The following MEX3D variants were observed in gnomAD, a reference collection of about 807,000 sequenced individuals.
MEX3D encodes the protein RNA-binding protein MEX3D.
Under a neutral mutation model 6.3 loss-of-function variants are expected in MEX3D, and 4 were observed. The ratio of observed to expected loss-of-function variants is 0.64; its 90% CI spans 0.31 to 1.46. The LOEUF (loss-of-function observed/expected upper bound fraction) is 1.46. Among genes scored for constraint, MEX3D ranks in the 40% most tolerant of loss-of-function variants. MEX3D has a pLI of 0.07. For missense variants in MEX3D, 1,038 were observed against 994.4 expected (o/e 1.04, Z -0.59); for synonymous variants, 626 against 494.1 (o/e 1.27, Z -3.54).
chr19:1,555,821 G>A lies in MEX3D; in HGVS notation c.1698C>T (p.Ser566=), dbSNP rs375402502. The part of the protein sequence containing the change: ...AAFSTATSLP[S]SPAAAACAPL... The stretch of plus-strand genomic sequence containing the variant: ...GGGCGCAGGCGGCGGCCGCGGGGCT[G>A]CTGGGCAGCGAGGTGGCCGTGGAGA... Residue 566 remains serine, a synonymous_variant, in exon 2 of 2, where the codon AGC becomes AGT. Transcript: ENST00000402693. The A allele has an allele frequency of 1.1e-4, 149 of 1,365,158 alleles. 1 individual carries two copies. In the South Asian group the frequency reaches 2.4e-3, roughly 22 times the overall value. The allele number at this position is 1,365,158 out of a possible 1,614,324, so 84.6% of individuals were successfully genotyped here. A position where few individuals can be genotyped will look rare whatever the true frequency, so the allele number is the denominator to read the frequency against.
In MEX3D at chr19:1,567,169, C is replaced by T. The variant is rs1914863292; in HGVS notation, c.595+295G>A. The stretch of plus-strand genomic sequence containing the variant: ...CTCTCTGGGGTGCCCCTGCGGGCGG[C>T]CGAGGGCCTGGGCTGCGGCGCGGCT... On this transcript the variant is annotated intron_variant, in intron 1 of 1. Coordinates refer to ENST00000402693, the MANE Select transcript of MEX3D (RefSeq NM_203304.4). This position sits in a 1 kb window ranked among gnomAD's most constrained non-coding sequence, Gnocchi z 6.5. Among the ~76,000 whole-genome samples, 1 of 151,952 alleles carries T rather than the reference C, an allele frequency of 6.6e-6. No individual in the cohort carries two copies. Among genetic ancestry groups the T allele is most frequent in the African/African-American group, 2.4e-5 (1 of 41,424 alleles).
chr19:1,568,290 CGGCGGCGGCTCCTCGGCGGCCGA>C lies in MEX3D; in HGVS notation c.-255_-233del, dbSNP rs1442081624. Among the ~76,000 whole-genome samples the C allele has an allele frequency of 2.1e-5, 3 of 139,656 alleles. No homozygotes were observed. The highest frequency in any genetic ancestry group is 5.1e-5 in the African/African-American group (2 of 38,946). 91.6% of individuals were successfully genotyped at this position (139,656 alleles called of 152,430 possible). ...TGCGGCTCGGCGGCGGCGGCGACGG[CGGCGGCGGCTCCTCGGCGGCCGA>C]GGCGGCGGCGGCGGCGCGGGACGCT... On this transcript the variant is annotated 5_prime_UTR_variant, in exon 1 of 2. Coordinates refer to ENST00000402693, the MANE Select transcript of MEX3D (RefSeq NM_203304.4).
In MEX3D at chr19:1,556,018, C is replaced by G; in HGVS notation, c.1501G>C (p.Gly501Arg). ...CCGGCCCCACTGCTGCGCCGGGCGC[C>G]GGCGGCGGGAGGTCCCGGGGCTCCG... Reference protein sequence around the residue: ...VNGAPGPPAAGARRSSGAGTP... With the variant: ...VNGAPGPPAARARRSSGAGTP... The change falls in exon 2 of 2, where the codon GGC (glycine) becomes CGC (arginine). Residue 501 changes from glycine (G) to arginine (R), a missense_variant. By Grantham distance (125) the Gly-to-Arg change is moderately radical (BLOSUM62 -2). Coordinates refer to ENST00000402693, the MANE Select transcript of MEX3D (RefSeq NM_203304.4). This position sits in a 1 kb window ranked among gnomAD's most constrained non-coding sequence, Gnocchi z 7.5. 1 of 1,242,486 alleles carries G rather than the reference C, an allele frequency of 8.0e-7. No individual in the cohort carries two copies. The highest frequency in any genetic ancestry group is 1.0e-6 in the Non-Finnish European group (1 of 989,294). The allele number at this position is 1,242,486 out of a possible 1,614,324, so 77.0% of individuals were successfully genotyped here.
intron 1 of MEX3D, among the ~76,000 whole-genome samples, chr19:1,558,763 A>G (rs1331923638): frequency 6.6e-6 from 1 of 152,150 alleles, no homozygotes. Context: ...AGACGCCCGC[A>G]CCCTGACTCC....
chr19:1,561,289 G>A (rs1332679400), intron 1 of MEX3D, among the ~76,000 whole-genome samples: 1 of 152,172 alleles, frequency 6.6e-6, no homozygotes, highest in Non-Finnish European at 1.5e-5. Context: ...GGTTTGCCAT[G>A]GCAGGAAGGG....
At position 1,567,388 on chromosome 19, in the gene MEX3D, GC is replaced by G. The variant is rs1413941943; in HGVS notation, c.595+75del. 7.0e-6 allele frequency: 10 copies of G among 1,434,558 alleles called. No homozygotes were observed. In the African/African-American group the frequency reaches 1.3e-4, roughly 19 times the overall value. 88.9% of individuals were successfully genotyped at this position (1,434,558 alleles called of 1,614,324 possible). A position where few individuals can be genotyped will look rare whatever the true frequency, so the allele number is the denominator to read the frequency against. ...GGGCGTCCGGCGCGGGCTGGGCTGGGCTCGGGCGACCCCCTTCCCCGGGGCG... is the reference window on the plus strand; with the variant it reads ...GGGCGTCCGGCGCGGGCTGGGCTGGGTCGGGCGACCCCCTTCCCCGGGGCG... On this transcript the variant is annotated intron_variant, in intron 1 of 1. Coordinates refer to ENST00000402693, the MANE Select transcript of MEX3D (RefSeq NM_203304.4). This position sits in a 1 kb window ranked among gnomAD's most constrained non-coding sequence, Gnocchi z 6.5.
intron 1 of MEX3D, among the ~76,000 whole-genome samples, chr19:1,561,235 C>G (rs1914709769): frequency 6.6e-6 from 1 of 152,250 alleles, no homozygotes. Context: ...AATGAAACCA[C>G]AAGTCCTGGT....
rs778984481 is a variant in MEX3D, at chr19:1,556,930, G to A, written c.596-7C>T. ...AGGGCCTTGATCTTGCAGCCTGTCC[G>A]GGAGGGAGGGGAAGGACAAGGTGAC... is the stretch of plus-strand genomic sequence containing the variant. On this transcript the variant is annotated splice_region_variant and splice_polypyrimidine_tract_variant and intron_variant, in intron 1 of 1. Transcript: ENST00000402693. This position sits in a 1 kb window ranked among gnomAD's most constrained non-coding sequence, Gnocchi z 7.5. 3.8e-6 allele frequency: 6 copies of A among 1,587,990 alleles called. No homozygotes were observed. Among genetic ancestry groups the A allele is most frequent in the Non-Finnish European group, 5.1e-6 (6 of 1,169,558 alleles).
chr19:1,565,331 C>T (rs562254892), intron 1 of MEX3D, among the ~76,000 whole-genome samples: 3 of 152,244 alleles, frequency 2.0e-5, no homozygotes, highest in South Asian at 2.1e-4. Flanking sequence ...CACTTGAGGT[C>T]GGGAGTTCGA....
rs113227025 is a variant in MEX3D, at chr19:1,558,980, G to GT, written c.596-2058dup. 9.9e-3 allele frequency among the ~76,000 whole-genome samples: 1,426 copies of GT among 143,956 alleles called. 8 individuals are homozygous for GT. Among genetic ancestry groups the GT allele is most frequent in the African/African-American group, 0.017 (655 of 39,464 alleles). 94.4% of individuals were successfully genotyped at this position (143,956 alleles called of 152,430 possible). ...CTACCCCACCCCTGGGGCCTTAATG[G>GT]TTTTTTTTTTTTTCTTTTCCTTTTT... On this transcript the variant is annotated intron_variant, in intron 1 of 1. Transcript: ENST00000402693.
At position 1,568,099 on chromosome 19, in the gene MEX3D, G is replaced by A. The variant is rs1372447560; in HGVS notation, c.-41C>T. The A allele has an allele frequency of 2.1e-6, 2 of 974,424 alleles. No individual in the cohort carries two copies. The highest frequency in any genetic ancestry group is 1.8e-5 in the African/African-American group (1 of 55,146). 60.4% of individuals were successfully genotyped at this position (974,424 alleles called of 1,614,324 possible). A position where few individuals can be genotyped will look rare whatever the true frequency, so the allele number is the denominator to read the frequency against. Reference sequence around the variant, plus strand: ...TGGGGCCCGCGCTCCTGCCGCCCGCGCCGCCGCCGCCGCCCGCGCCGCCCT... The same window carrying A: ...TGGGGCCCGCGCTCCTGCCGCCCGCACCGCCGCCGCCGCCCGCGCCGCCCT... On this transcript the variant is annotated 5_prime_UTR_variant, in exon 1 of 2. Coordinates refer to ENST00000402693, the MANE Select transcript of MEX3D (RefSeq NM_203304.4).
At chr19:1,563,672 C>T (rs1050962580) in intron 1 of MEX3D, among the ~76,000 whole-genome samples, 1 of 152,112 alleles carries the variant, frequency 6.6e-6, no homozygotes, top group African/African-American at 2.4e-5. Context: ...TGGAGGGAGA[C>T]GCCTGTGCTT....
In MEX3D at chr19:1,555,613, A is replaced by G. The variant is rs779176065; in HGVS notation, c.1906T>C (p.Cys636Arg). ...GTGGCCGGCGTGCGGCAGGCGGGAC[A>G]CTCGGGCTCGCTCTTGCCGCAGATG... ...VRICGKSEPE[C>R]PACRTPATQA... The change falls in exon 2 of 2, where the codon TGT (cysteine) becomes CGT (arginine). Residue 636 changes from cysteine (C) to arginine (R), a missense_variant. Cys to Arg is a radical substitution (Grantham distance 180). Transcript: ENST00000402693. 6.9e-6 allele frequency: 11 copies of G among 1,591,982 alleles called. No individual in the cohort carries two copies. Among genetic ancestry groups the G allele is most frequent in the Non-Finnish European group, 8.5e-7 (1 of 1,171,490 alleles).
At position 1,555,306 on chromosome 19, in the gene MEX3D, C is replaced by T. The variant is rs571712709; in HGVS notation, c.*257G>A. Reference sequence around the variant, plus strand: ...AAAAAAGTGCAAGCGGACCTTTTCTCTCCGGTTTATTGTAACCTGACCACT... The same window carrying T: ...AAAAAAGTGCAAGCGGACCTTTTCTTTCCGGTTTATTGTAACCTGACCACT... On this transcript the variant is annotated 3_prime_UTR_variant, in exon 2 of 2. Coordinates refer to ENST00000402693, the MANE Select transcript of MEX3D (RefSeq NM_203304.4). 9 of 1,585,492 alleles carry T rather than the reference C, an allele frequency of 5.7e-6. No homozygotes were observed. In the East Asian group the frequency reaches 1.9e-4, roughly 33 times the overall value.
At position 1,556,364 on chromosome 19, in the gene MEX3D, C is replaced by T. The variant is rs751022031; in HGVS notation, c.1155G>A (p.Thr385=). Residue 385 remains threonine (T), a synonymous_variant, in exon 2 of 2, where the codon ACG becomes ACA. Coordinates refer to ENST00000402693, the MANE Select transcript of MEX3D (RefSeq NM_203304.4). The surrounding 1 kb of genome is among the most constrained non-coding windows in gnomAD (Gnocchi z 7.5). ...TGTCCCCGCGGAGGCCGGCCGTGGC[C>T]GTGGGGGGCCGTCGTCCCTGGTTGG... is the stretch of plus-strand genomic sequence containing the variant. The part of the protein sequence containing the change: ...KTPNQGRRPP[T]ATAGLRGDTA... 3.4e-6 allele frequency: 5 copies of T among 1,476,716 alleles called. No individual in the cohort carries two copies. The highest frequency in any genetic ancestry group is 2.6e-5 in the East Asian group (1 of 38,590). 91.5% of individuals were successfully genotyped at this position (1,476,716 alleles called of 1,614,324 possible).
intron 1 of MEX3D, among the ~76,000 whole-genome samples, chr19:1,557,965 C>T (rs930139361): frequency 6.9e-5 from 10 of 145,258 alleles, no homozygotes; most frequent in East Asian, 2.0e-4. Flanking sequence ...GAGGCAGAAC[C>T]GCCTGAACTC....
chr19:1,556,456 G>T lies in MEX3D; in HGVS notation c.1063C>A (p.His355Asn). ...AGGCAGACGTCGGTGCCGTTGGCGT[G>T]GAAGTCGCTGTCGGGGCCCGCGTCG... ...FTDAGPDSDF[H>N]ANGTDVCLDL... Residue 355 changes from histidine to asparagine, a missense_variant, in exon 2 of 2, where the codon CAC becomes AAC. By Grantham distance (68) the His-to-Asn change is moderately conservative (BLOSUM62 1). Coordinates refer to ENST00000402693, the MANE Select transcript of MEX3D (RefSeq NM_203304.4). This position sits in a 1 kb window ranked among gnomAD's most constrained non-coding sequence, Gnocchi z 7.5. The T allele has an allele frequency of 6.3e-7, 1 of 1,599,236 alleles. No homozygotes were observed. The highest frequency in any genetic ancestry group is 8.5e-7 in the Non-Finnish European group (1 of 1,177,758).
rs972218247 is a variant in MEX3D at position 1,556,730 on chromosome 19, G to T, written c.789C>A (p.Ala263=). 2 of 1,611,342 alleles carry T rather than the reference G, an allele frequency of 1.2e-6. No homozygotes were observed. Among genetic ancestry groups the T allele is most frequent in the Admixed American group, 1.7e-5 (1 of 59,914 alleles). The part of the protein sequence containing the change: ...TRSKAGGLPG[A]AQGPPNLPGQ... ...CGGGAAGGTTGGGCGGGCCCTGGGCGGCGCCGGGCAGACCCCCGGCCTTGC... is the reference window on the plus strand; with the variant it reads ...CGGGAAGGTTGGGCGGGCCCTGGGCTGCGCCGGGCAGACCCCCGGCCTTGC... The change falls in exon 2 of 2, where the codon GCC becomes GCA. Residue 263 remains alanine, a synonymous_variant. Transcript: ENST00000402693. The surrounding 1 kb of genome is among the most constrained non-coding windows in gnomAD (Gnocchi z 7.5).
chr19:1,556,376 T>A lies in MEX3D; in HGVS notation c.1143A>T (p.Arg381=). 1 of 1,509,772 alleles carries A rather than the reference T, an allele frequency of 6.6e-7. No individual in the cohort carries two copies. Among genetic ancestry groups the A allele is most frequent in the Non-Finnish European group, 8.8e-7 (1 of 1,139,344 alleles). 93.5% of individuals were successfully genotyped at this position (1,509,772 alleles called of 1,614,324 possible). Residue 381 remains arginine, a synonymous_variant, in exon 2 of 2, where the codon CGA becomes CGT. Coordinates refer to ENST00000402693, the MANE Select transcript of MEX3D (RefSeq NM_203304.4). This position sits in a 1 kb window ranked among gnomAD's most constrained non-coding sequence, Gnocchi z 7.5. ...GGCCGGCCGTGGCCGTGGGGGGCCG[T>A]CGTCCCTGGTTGGGGGTCTTGGCCC... The part of the protein sequence containing the change: ...SLWAKTPNQG[R]RPPTATAGLR...
Sources: gnomAD v4.1 joint callset for allele counts (sites outside exome capture counted in the v4.1 genomes callset) on GRCh38, gnomAD v4.1.1 for gene constraint, Gnocchi (gnomAD v3.1) non-coding constraint, MANE v1.5 for transcripts, NCBI Gene and HGNC (gene_info 2026-07-23, HGNC 2026-07-21) for gene names.